The following AMOTL1 variants were observed in gnomAD, a reference collection of about 807,000 sequenced individuals.
AMOTL1 encodes the protein angiomotin like 1, also known as angiomotin-like protein 1.
Under a neutral mutation model 102.9 loss-of-function variants are expected in AMOTL1, and 45 were observed. The observed-to-expected ratio is 0.44, with a 90% CI of 0.34 to 0.56. The LOEUF is 0.56. Ranked by LOEUF, AMOTL1 falls within the 20% of genes least tolerant of loss-of-function variation. The probability of loss-of-function intolerance (pLI) is 0.01; values close to 1 mark genes in which losing one functional copy is unlikely to be tolerated. For missense variants in AMOTL1, 1,114 were observed against 1,225.6 expected (o/e 0.91, Z 1.36); for synonymous variants, 481 against 484.7 (o/e 0.99, Z 0.10).
Position 94,729,171 on chromosome 11 carries a change from G to A in AMOTL1, c.85+116G>A. ...GCTGTTTGTCTTTTCAAAAGCAGCT[G>A]AGTGGAGAGGAGAGGGAATGGACTT... is the stretch of plus-strand genomic sequence containing the variant. On this transcript the variant is annotated intron_variant, in intron 2 of 4. Coordinates refer to the AMOTL1 transcript ENST00000299004. The A allele has an allele frequency of 4.6e-6, 3 of 647,396 alleles. No homozygotes were observed. In the South Asian group the frequency reaches 5.3e-5, roughly 12 times the overall value. 40.1% of individuals were successfully genotyped at this position (647,396 alleles called of 1,614,324 possible). A position where few individuals can be genotyped will look rare whatever the true frequency, so the allele number is the denominator to read the frequency against.
At chr11:94,854,690 T>TA (rs1298782495) in intron 8 of AMOTL1, among the ~76,000 whole-genome samples, 1 of 152,012 alleles carries the variant, frequency 6.6e-6, no homozygotes, top group African/African-American at 2.4e-5. Context: ...GGGTGGATGT[T>TA]AAAGTTGCAG....
rs184609459 is a variant in AMOTL1 at position 94,857,974 on chromosome 11, A to G, written c.1945-1551A>G. The stretch of plus-strand genomic sequence containing the variant: ...TCTGTACCCTTGAATGTTGACATTC[A>G]TGCATTTATGTAAATAACTCTTAAT... On this transcript the variant is annotated intron_variant, in intron 8 of 12. Coordinates refer to ENST00000433060, the MANE Select transcript of AMOTL1 (RefSeq NM_130847.3). 2.8e-4 allele frequency among the ~76,000 whole-genome samples: 42 copies of G among 152,320 alleles called. No individual in the cohort carries two copies. In the East Asian group the frequency reaches 5.0e-3, roughly 18 times the overall value.
chr11:94,713,379 A>G (rs1295423190), intron 1 of AMOTL1, among the ~76,000 whole-genome samples: 1 of 151,950 alleles, frequency 6.6e-6, no homozygotes, highest in Non-Finnish European at 1.5e-5. Flanking sequence ...TACTTTCCAT[A>G]TAAACTTTAG....
intron 7 of AMOTL1, among the ~76,000 whole-genome samples, chr11:94,851,654 C>T (rs1952541368): frequency 6.6e-6 from 1 of 152,180 alleles, no homozygotes; most frequent in Admixed American, 6.5e-5. Flanking sequence ...AAGCAAGTCA[C>T]GTAACCTTGA....
intron 1 of AMOTL1, among the ~76,000 whole-genome samples, chr11:94,722,685 GT>G (rs1950192775): frequency 6.6e-6 from 1 of 152,154 alleles, no homozygotes; most frequent in African/African-American, 2.4e-5. Flanking sequence ...CACTTCCCAA[GT>G]TAAGCAAGCA....
At chr11:94,839,363 A>G (rs1952249616) in intron 6 of AMOTL1, among the ~76,000 whole-genome samples, 1 of 152,258 alleles carries the variant, frequency 6.6e-6, no homozygotes, top group Admixed American at 6.5e-5. Context: ...TTACTGTTCC[A>G]AACAAACCTT....
chr11:94,707,244 CTCTCTCTGTGTG>C (rs1469960583), intron 1 of AMOTL1, among the ~76,000 whole-genome samples: 4 of 55,476 alleles, frequency 7.2e-5, no homozygotes, highest in East Asian at 3.7e-4. Context: ...CTCTCTCTCT[CTCTCTCTGTGTG>C]TGTGTGTGTG....
Position 94,865,940 on chromosome 11 carries a change from A to G in AMOTL1, c.2262-2A>G. 2 of 1,612,070 alleles carry G rather than the reference A, an allele frequency of 1.2e-6. No individual in the cohort carries two copies. The highest frequency in any genetic ancestry group is 2.2e-5 in the South Asian group (2 of 90,554). ...TGGAGACTGTTTTGTTTTGTTTTAC[A>G]GTATTAAAAATCTCCATGCCAAAAT... On this transcript the variant is annotated splice_acceptor_variant, in intron 10 of 12. Coordinates refer to ENST00000433060, the MANE Select transcript of AMOTL1 (RefSeq NM_130847.3). LOFTEE classifies it high-confidence loss of function.
intron 5 of AMOTL1, 41 bp from the exon 6 acceptor site, chr11:94,831,411 C>T (rs968821598): frequency 1.5e-5 from 22 of 1,488,934 alleles, no homozygotes; most frequent in Non-Finnish European, 2.1e-5. Context: ...TGACTTCAAT[C>T]CATATACATT....
chr11:94,806,766 G>T (rs4753149), intron 3 of AMOTL1, among the ~76,000 whole-genome samples: 1 of 152,000 alleles, frequency 6.6e-6, no homozygotes, highest in Non-Finnish European at 1.5e-5. Context: ...AGTGACTTCT[G>T]TAAACAGGAG....
At chr11:94,810,321 A>C (rs569638172) in intron 3 of AMOTL1, among the ~76,000 whole-genome samples, 6 of 152,322 alleles carry the variant, frequency 3.9e-5, no homozygotes, top group African/African-American at 1.2e-4. Context: ...AACTCTGGGC[A>C]GAGCCCACAC....
intron 1 of AMOTL1, among the ~76,000 whole-genome samples, chr11:94,794,278 C>G (rs568807154): frequency 6.6e-6 from 1 of 152,186 alleles, no homozygotes; most frequent in Non-Finnish European, 1.5e-5. Flanking sequence ...AGCCTGGGCC[C>G]GTCCTGCTGA....
At chr11:94,795,204 CTTACG>C in intron 2 of AMOTL1, 44 bp downstream of exon 2, 1 of 1,604,026 alleles carries the variant, frequency 6.2e-7, no homozygotes, top group Non-Finnish European at 8.5e-7. Flanking sequence ...GCAAAATGAT[CTTACG>C]TTTCTCATCT....
At chr11:94,744,499 T>C (rs1950566724) in intron 3 of AMOTL1, among the ~76,000 whole-genome samples, 1 of 152,180 alleles carries the variant, frequency 6.6e-6, no homozygotes, top group Admixed American at 6.5e-5. Flanking sequence ...GATTGAATCA[T>C]TGGCCATGGG....
rs1447192868 is a variant in AMOTL1 at position 94,853,962 on chromosome 11, A to G, written c.1824A>G (p.Lys608=). Residue 608 remains lysine, a synonymous_variant, in exon 8 of 13, where the codon AAA becomes AAG. Transcript: ENST00000433060. The part of the protein sequence containing the change: ...ELREKQAYVE[K]VEKLQQALTQ... ...GAGAGAAGCAAGCATATGTTGAGAA[A>G]GTTGAGAAGCTGCAGCAGGCCCTGA... is the stretch of plus-strand genomic sequence containing the variant. The G allele has an allele frequency of 1.2e-6, 2 of 1,608,866 alleles. No homozygotes were observed. Among genetic ancestry groups the G allele is most frequent in the Non-Finnish European group, 1.7e-6 (2 of 1,177,396 alleles).
intron 1 of AMOTL1, 97 bp downstream of exon 1, chr11:94,768,657 G>A (rs1234015166): frequency 7.9e-6 from 12 of 1,517,510 alleles, no homozygotes; most frequent in Non-Finnish European, 9.8e-6. Context: ...TGCTGCTCAC[G>A]GAAGGGGGCA....
rs115400827 is a variant in AMOTL1 at position 94,835,027 on chromosome 11, C to T, written c.1648+3486C>T. On this transcript the variant is annotated intron_variant, in intron 6 of 12. Transcript: ENST00000433060. ...TACTCCCCCAAGTCATGAGATTTGT[C>T]TATACAAAAAATCTTGAAGAATTAA... Among the ~76,000 whole-genome samples the T allele has an allele frequency of 9.4e-3, 1,436 of 152,240 alleles. 26 individuals are homozygous for T. The highest frequency in any genetic ancestry group is 0.035 in the South Asian group (167 of 4,820).
chr11:94,842,221 C>T (rs1181045798), intron 6 of AMOTL1, among the ~76,000 whole-genome samples: 3 of 152,134 alleles, frequency 2.0e-5, no homozygotes, highest in African/African-American at 4.8e-5. Flanking sequence ...ATATAAGACA[C>T]GTCGGTTATC....
At chr11:94,794,785 G>C (rs1312664702) in intron 1 of AMOTL1, among the ~76,000 whole-genome samples, 1 of 152,196 alleles carries the variant, frequency 6.6e-6, no homozygotes, top group African/African-American at 2.4e-5. Flanking sequence ...CCTTCACTCA[G>C]TGTGTCTTGA....
Sources: allele counts gnomAD v4.1 joint callset (sites outside exome capture counted in the v4.1 genomes callset), GRCh38; gene constraint gnomAD v4.1.1; transcripts MANE v1.5; gene names NCBI Gene and HGNC (gene_info 2026-07-23, HGNC 2026-07-21).